Variants in LIMA1 observed in about 807,000 individuals in gnomAD.
LIMA1 encodes the protein LIM domain and actin-binding protein 1.
Under a neutral mutation model 62.6 loss-of-function variants are expected in LIMA1, and 52 were observed. The ratio of observed to expected loss-of-function variants is 0.83; its 90% CI spans 0.67 to 1.05. The LOEUF (loss-of-function observed/expected upper bound fraction) is 1.05. Ranked by LOEUF, LIMA1 falls within the 50% of genes least tolerant of loss-of-function variation. The probability of loss-of-function intolerance (pLI) is 0.00; values close to 1 mark genes in which losing one functional copy is unlikely to be tolerated. For synonymous variants in LIMA1, 302 were observed against 317.8 expected, an observed-to-expected ratio of 0.95 and a Z score of 0.53; for missense variants, 780 against 902.2, an observed-to-expected ratio of 0.86 and a Z score of 1.74.
chr12:50,215,056 G>A (rs557017172), intron 4 of LIMA1, among the ~76,000 whole-genome samples: 2 of 152,182 alleles, frequency 1.3e-5, no homozygotes, highest in East Asian at 1.9e-4. Context: ...TTATTTCTTT[G>A]ATGCAGATTA....
At chr12:50,255,290 C>T (rs1047179952) in intron 1 of LIMA1, among the ~76,000 whole-genome samples, 1 of 151,262 alleles carries the variant, frequency 6.6e-6, no homozygotes, top group African/African-American at 2.4e-5. Flanking sequence ...TGTGGTGGCT[C>T]ATGCCTGTAA....
intron 5 of LIMA1, among the ~76,000 whole-genome samples, chr12:50,205,296 C>T (rs1941131383): frequency 6.7e-6 from 1 of 150,286 alleles, no homozygotes; most frequent in African/African-American, 2.5e-5. Flanking sequence ...TGGTCTCAAA[C>T]TCCTGGATTT....
At chr12:50,263,903 GTATA>G (rs57637973) in intron 1 of LIMA1, among the ~76,000 whole-genome samples, 6 of 137,086 alleles carry the variant, frequency 4.4e-5, no homozygotes, top group African/African-American at 1.4e-4. Flanking sequence ...TATAAAGTAT[GTATA>G]TATATATATA....
chr12:50,232,528 C>A (rs1316166547), intron 2 of LIMA1, among the ~76,000 whole-genome samples: 2 of 152,112 alleles, frequency 1.3e-5, no homozygotes, highest in Admixed American at 6.6e-5. Flanking sequence ...CACCACCACA[C>A]CTGGCTAATT....
intron 1 of LIMA1, among the ~76,000 whole-genome samples, chr12:50,268,628 A>T (rs1942168587): frequency 2.0e-5 from 3 of 149,800 alleles, no homozygotes; most frequent in Admixed American, 2.0e-4. Context: ...TGTAAGAGAC[A>T]GGGTCTTGCT....
At chr12:50,210,797 T>C (rs1000578870) in intron 4 of LIMA1, among the ~76,000 whole-genome samples, 1 of 152,176 alleles carries the variant, frequency 6.6e-6, no homozygotes, top group African/African-American at 2.4e-5. Flanking sequence ...CATGGGGGTA[T>C]CAAAACTCTG....
intron 1 of LIMA1, among the ~76,000 whole-genome samples, chr12:50,260,105 G>T (rs572289771): frequency 6.6e-6 from 1 of 151,130 alleles, no homozygotes; most frequent in South Asian, 2.1e-4. Flanking sequence ...CCCAAAGCTG[G>T]ATCCTAAGGC....
At chr12:50,212,409 G>T (rs1941273760) in intron 4 of LIMA1, among the ~76,000 whole-genome samples, 1 of 152,272 alleles carries the variant, frequency 6.6e-6, no homozygotes, top group Admixed American at 6.5e-5. Context: ...TCGGGGCATA[G>T]ATAAAACCTA....
intron 6 of LIMA1, among the ~76,000 whole-genome samples, chr12:50,202,364 T>C (rs1034920713): frequency 5.3e-5 from 8 of 152,220 alleles, no homozygotes; most frequent in African/African-American, 1.9e-4. Context: ...GCAGGAGAAC[T>C]GTAATGCAGA....
chr12:50,228,949 T>C (rs1383943586), intron 3 of LIMA1, among the ~76,000 whole-genome samples: 3 of 152,246 alleles, frequency 2.0e-5, no homozygotes, highest in Admixed American at 6.5e-5. Flanking sequence ...CTTGAACTCC[T>C]GACCTCAAGT....
At chr12:50,198,007 ATG>A (rs2138455379) in intron 7 of LIMA1, among the ~76,000 whole-genome samples, 1 of 152,356 alleles carries the variant, frequency 6.6e-6, no homozygotes, top group East Asian at 1.9e-4. Context: ...GGGGGATTAT[ATG>A]ACCATGTAAC....
chr12:50,213,874 G>A (rs550357525), intron 4 of LIMA1, among the ~76,000 whole-genome samples: 2 of 152,288 alleles, frequency 1.3e-5, no homozygotes, highest in African/African-American at 4.8e-5. Flanking sequence ...TTAAAAACCA[G>A]TACATAGTTA....
intron 2 of LIMA1, among the ~76,000 whole-genome samples, chr12:50,233,232 T>TA (rs1423832645): frequency 3.3e-5 from 5 of 152,216 alleles, no homozygotes; most frequent in Non-Finnish European, 5.9e-5. Context: ...GCAAGTGACT[T>TA]AATCTCTCTA....
chr12:50,244,412 T>C (rs1941819884), intron 2 of LIMA1, among the ~76,000 whole-genome samples: 1 of 152,052 alleles, frequency 6.6e-6, no homozygotes. Context: ...CATTTTTTTG[T>C]ATTTTTAGTA....
intron 3 of LIMA1, 47 bp downstream of exon 3, chr12:50,231,618 A>G: frequency 6.3e-7 from 1 of 1,589,360 alleles, no homozygotes. Flanking sequence ...TGGCCACACA[A>G]TTCTGCTCAA....
intron 6 of LIMA1, among the ~76,000 whole-genome samples, chr12:50,202,578 A>ACGGTG (rs755605356): frequency 2.6e-5 from 4 of 152,196 alleles, no homozygotes; most frequent in Non-Finnish European, 5.9e-5. Context: ...TTTCACATTC[A>ACGGTG]CGGTGCATAA....
chr12:50,192,978 C>CTG (rs558118348), intron 8 of LIMA1, among the ~76,000 whole-genome samples: 3,694 of 145,186 alleles, frequency 0.025, 77 homozygotes, highest in African/African-American at 0.057. Context: ...ATTTTGTACT[C>CTG]TGTGTGTGTG....
Position 50,178,966 on chromosome 12 carries a change from A to ATATATTTT in LIMA1, c.1275-898_1275-897insAAAATATA, listed in dbSNP as rs56674261. Among the ~76,000 whole-genome samples the ATATATTTT allele has an allele frequency of 1.2e-3, 149 of 128,954 alleles. 1 individual carries two copies. The highest frequency in any genetic ancestry group is 8.0e-3 in the East Asian group (38 of 4,766). 84.6% of individuals were successfully genotyped at this position (128,954 alleles called of 152,430 possible). A position where few individuals can be genotyped will look rare whatever the true frequency, so the allele number is the denominator to read the frequency against. ...TATATAAATACATATATATATATAT[A>ATATATTTT]TTTTTTTTTTCTTTTTCTTTTCTTT... is the stretch of plus-strand genomic sequence containing the variant. On this transcript the variant is annotated intron_variant, in intron 10 of 10. Transcript: ENST00000341247.
intron 2 of LIMA1, among the ~76,000 whole-genome samples, 185 bp from the exon 3 acceptor site, chr12:50,231,895 A>G (rs2138587690): frequency 1.3e-5 from 2 of 151,748 alleles, no homozygotes; most frequent in African/African-American, 4.8e-5. Context: ...AGCCTCCAGA[A>G]CAGCTGGGAT....
Sources: gnomAD v4.1 joint callset for allele counts (sites outside exome capture counted in the v4.1 genomes callset) on GRCh38, gnomAD v4.1.1 for gene constraint, MANE v1.5 for transcripts, NCBI Gene and HGNC (gene_info 2026-07-23, HGNC 2026-07-21) for gene names.